GMDS: variants seen among roughly 807,000 people sequenced by gnomAD.
The protein encoded by GMDS is GDP-mannose 4,6 dehydratase.
GMDS carries 20 observed loss-of-function variants against 49.9 expected under a neutral mutation model. That is an observed-to-expected ratio of 0.40 (90% CI 0.28 to 0.58). GMDS has a LOEUF of 0.58. Ranked by LOEUF, GMDS falls within the 20% of genes least tolerant of loss-of-function variation. The probability of loss-of-function intolerance (pLI) is 0.42; values close to 1 mark genes in which losing one functional copy is unlikely to be tolerated. For missense variants in GMDS, 362 were observed against 481.4 expected, an observed-to-expected ratio of 0.75 and a Z score of 2.32; for synonymous variants, 177 against 178.6, an observed-to-expected ratio of 0.99 and a Z score of 0.07.
chr6:2,144,126 C>T (rs1776438018), intron 1 of GMDS, among the ~76,000 whole-genome samples: 2 of 152,174 alleles, frequency 1.3e-5, no homozygotes, highest in South Asian at 2.1e-4. Flanking sequence ...TAGGGAGGGT[C>T]CCATAATTAT....
chr6:1,965,026 A>T (rs1419265512), intron 4 of GMDS, among the ~76,000 whole-genome samples: 2 of 150,104 alleles, frequency 1.3e-5, no homozygotes, highest in Non-Finnish European at 3.0e-5. Context: ...GCTGCATAGT[A>T]TTCCATGGTG....
At chr6:1,965,698 T>G (rs906785286) in intron 4 of GMDS, among the ~76,000 whole-genome samples, 2 of 152,014 alleles carry the variant, frequency 1.3e-5, no homozygotes, top group African/African-American at 4.8e-5. Flanking sequence ...CCGGCTGTGG[T>G]GGCACATACC....
At chr6:1,963,023 T>G (rs1055098452) in intron 4 of GMDS, among the ~76,000 whole-genome samples, 1 of 151,548 alleles carries the variant, frequency 6.6e-6, no homozygotes, top group Admixed American at 6.6e-5. Flanking sequence ...ATTACAGGCA[T>G]GCACCACCAC....
intron 7 of GMDS, among the ~76,000 whole-genome samples, chr6:1,885,935 C>A (rs146825153): frequency 8.5e-5 from 13 of 152,102 alleles, no homozygotes; most frequent in African/African-American, 2.7e-4. Context: ...GTTCCCAGAC[C>A]GCTCTGATTA....
intron 4 of GMDS, among the ~76,000 whole-genome samples, chr6:1,997,551 C>A (rs73716920): frequency 2.8e-3 from 417 of 149,458 alleles, no homozygotes; most frequent in African/African-American, 9.8e-3. Context: ...CACATCACAT[C>A]TCTAAGACCT....
intron 7 of GMDS, among the ~76,000 whole-genome samples, chr6:1,752,482 A>T (rs975672843): frequency 6.6e-6 from 1 of 152,188 alleles, no homozygotes; most frequent in African/African-American, 2.4e-5. Context: ...ACCCAGGAGA[A>T]CTTCCCCAAT....
chr6:1,672,951 C>T (rs1764475089), intron 9 of GMDS, among the ~76,000 whole-genome samples: 1 of 152,126 alleles, frequency 6.6e-6, no homozygotes, highest in Non-Finnish European at 1.5e-5. Flanking sequence ...CTGTGCACTC[C>T]CACCACTCCC....
rs575864404 is a variant in GMDS, at chr6:1,986,765, G to T, written c.346-25799C>A. On this transcript the variant is annotated intron_variant, in intron 4 of 10. Transcript: ENST00000380815. Reference sequence around the variant, plus strand: ...TCATTGCTATTAATTTAATGGTCTGGGGAGCTGTCAGGGATATTTGGTAAG... The same window carrying T: ...TCATTGCTATTAATTTAATGGTCTGTGGAGCTGTCAGGGATATTTGGTAAG... Among the ~76,000 whole-genome samples the T allele has an allele frequency of 2.6e-5, 4 of 152,188 alleles. No individual in the cohort carries two copies. The South Asian group carries it at 8.3e-4, about 32-fold the overall frequency.
rs111667893 is a variant in GMDS at position 1,682,724 on chromosome 6, T to C, written c.987+43692A>G. ...AGCTGGGACTACAGGCGCCCGCCAC[T>C]ACGCCCGGCTAATTTTTTGTATTTT... On this transcript the variant is annotated intron_variant, in intron 9 of 10. Coordinates refer to ENST00000380815, the MANE Select transcript of GMDS (RefSeq NM_001500.4). Among the ~76,000 whole-genome samples the C allele has an allele frequency of 1.6e-4, 4 of 24,346 alleles. 2 individuals are homozygous for C. Among genetic ancestry groups the C allele is most frequent in the Non-Finnish European group, 4.1e-4 (4 of 9,710 alleles). 16.0% of individuals were successfully genotyped at this position (24,346 alleles called of 152,430 possible).
intron 1 of GMDS, among the ~76,000 whole-genome samples, chr6:2,232,392 A>C (rs1781148968): frequency 1.3e-5 from 2 of 152,140 alleles, no homozygotes; most frequent in Non-Finnish European, 2.9e-5. Context: ...GAAACATCAA[A>C]CCATAACAAT....
chr6:2,112,462 AG>A (rs1238197658), intron 4 of GMDS, among the ~76,000 whole-genome samples: 1 of 152,190 alleles, frequency 6.6e-6, no homozygotes, highest in African/African-American at 2.4e-5. Flanking sequence ...TTCCCAGACC[AG>A]GGACAGCATC....
intron 4 of GMDS, among the ~76,000 whole-genome samples, chr6:2,079,646 G>A (rs531753738): frequency 2.7e-4 from 41 of 152,118 alleles, no homozygotes; most frequent in Non-Finnish European, 5.3e-4. Context: ...TTCCTGGCTT[G>A]TAAGGTTTCT....
chr6:1,670,938 C>T (rs1764401772), intron 9 of GMDS, among the ~76,000 whole-genome samples: 1 of 152,208 alleles, frequency 6.6e-6, no homozygotes, highest in Non-Finnish European at 1.5e-5. Flanking sequence ...TAGTTCCCTG[C>T]TCGCCCGGAC....
At chr6:1,918,123 A>G (rs769858298) in intron 7 of GMDS, among the ~76,000 whole-genome samples, 2 of 152,172 alleles carry the variant, frequency 1.3e-5, no homozygotes, top group Non-Finnish European at 2.9e-5. Context: ...GGTGATGGGT[A>G]CAGACTGAGA....
chr6:1,723,596 A>ATTTTT (rs775162920), intron 9 of GMDS, among the ~76,000 whole-genome samples: 3 of 149,560 alleles, frequency 2.0e-5, no homozygotes, highest in Admixed American at 6.6e-5. Context: ...CTTTATGGCA[A>ATTTTT]TTTTTTTTTC....
chr6:1,860,038 A>C (rs1160626851), intron 7 of GMDS, among the ~76,000 whole-genome samples: 1 of 152,216 alleles, frequency 6.6e-6, no homozygotes, highest in African/African-American at 2.4e-5. Flanking sequence ...TCTAGACTTC[A>C]TATTGTAGTG....
chr6:1,693,929 A>G (rs1765253838), intron 9 of GMDS, among the ~76,000 whole-genome samples: 1 of 152,230 alleles, frequency 6.6e-6, no homozygotes, highest in African/African-American at 2.4e-5. Flanking sequence ...TTTATATAAG[A>G]GGAAACTGGA....
chr6:1,690,149 C>T (rs1005079425), intron 9 of GMDS, among the ~76,000 whole-genome samples: 9 of 152,036 alleles, frequency 5.9e-5, no homozygotes, highest in Admixed American at 3.9e-4. Flanking sequence ...AAACTGGGCA[C>T]CCATTTACAT....
chr6:1,819,744 A>C (rs1208903290), intron 7 of GMDS, among the ~76,000 whole-genome samples: 1 of 143,574 alleles, frequency 7.0e-6, no homozygotes, highest in East Asian at 2.0e-4. Flanking sequence ...CTAGGCAATA[A>C]AGTGAGACTC....
Sources: gnomAD v4.1 joint callset for allele counts (sites outside exome capture counted in the v4.1 genomes callset) on GRCh38, gnomAD v4.1.1 for gene constraint, MANE v1.5 for transcripts, NCBI Gene and HGNC (gene_info 2026-07-23, HGNC 2026-07-21) for gene names.